GRM6: variants seen among roughly 807,000 people sequenced by gnomAD.
GRM6 encodes glutamate metabotropic receptor 6.
GRM6 carries 73 observed loss-of-function variants against 78.4 expected under a neutral mutation model. The observed-to-expected ratio is 0.93, with a 90% confidence interval of 0.77 to 1.13. The LOEUF (loss-of-function observed/expected upper bound fraction) is 1.13. GRM6 is among the 50% of genes most tolerant of loss of function. The probability of loss-of-function intolerance (pLI) is 0.00; values close to 1 mark genes in which losing one functional copy is unlikely to be tolerated. For missense variants in GRM6, 1,251 were observed against 1,256.4 expected (o/e 1.00, Z 0.07); for synonymous variants, 580 against 555.0 (o/e 1.05, Z -0.63).
chr5:178,989,509 G>A (rs1411148697), intron 5 of GRM6, 104 bp from the exon 6 acceptor site: 10 of 1,445,026 alleles, frequency 6.9e-6, no homozygotes, highest in African/African-American at 2.8e-5. Context: ...GTGGCCAGGT[G>A]AGCTAGGAGT....
chr5:178,985,472 G>A (rs1467729473), intron 9 of GRM6, among the ~76,000 whole-genome samples: 1 of 151,708 alleles, frequency 6.6e-6, no homozygotes, highest in Admixed American at 6.6e-5. Context: ...GGGAGGCCGA[G>A]GTGGGCGGAT....
At chr5:178,987,583 C>T in intron 7 of GRM6, 1 of 396,124 alleles carries the variant, frequency 2.5e-6, no homozygotes, top group Non-Finnish European at 5.1e-6. Context: ...CGTCTGATGC[C>T]ACCACAGGAG....
Position 178,986,145 on chromosome 5 carries a change from GC to G in GRM6, c.2108del (p.Ser703ThrfsTer10), listed in dbSNP as rs1403999608. On this transcript the variant is annotated frameshift_variant, in exon 9 of 11. Coordinates refer to ENST00000517717, the MANE Select transcript of GRM6 (RefSeq NM_000843.4). LOFTEE classifies it high-confidence loss of function. ...ACGGACCCACCTGCAGGGAGGTGAGGCTGAAGGTGATGACCAGCTGTGAGGT... is the reference window on the plus strand; with the variant it reads ...ACGGACCCACCTGCAGGGAGGTGAGGTGAAGGTGATGACCAGCTGTGAGGT... ...SPTSQLVITFSLTSLQVVGMI... is the reference protein window; with the variant it reads ...SPTSQLVITFXLTSLQVVGMI... The G allele has an allele frequency of 6.2e-7, 1 of 1,613,672 alleles. No individual in the cohort carries two copies. Among genetic ancestry groups the G allele is most frequent in the Non-Finnish European group, 8.5e-7 (1 of 1,179,744 alleles).
chr5:178,985,642 G>A (rs1229011703), intron 9 of GRM6: 6 of 380,460 alleles, frequency 1.6e-5, no homozygotes, highest in Non-Finnish European at 3.1e-5. Flanking sequence ...GGCAGAGCTT[G>A]CAGGGAGCTG....
chr5:178,985,965 T>C (rs1760531948), intron 9 of GRM6, among the ~76,000 whole-genome samples, 165 bp downstream of exon 9: 1 of 152,188 alleles, frequency 6.6e-6, no homozygotes, highest in South Asian at 2.1e-4. Flanking sequence ...TCATGCCATG[T>C]TGCCCAGGCT....
At position 178,991,665 on chromosome 5, in the gene GRM6, T is replaced by A; in HGVS notation, c.722-106A>T. On this transcript the variant is annotated intron_variant, in intron 3 of 10. Transcript: ENST00000517717. This position sits in a 1 kb window ranked among gnomAD's most constrained non-coding sequence, Gnocchi z 5.0. ...AGGCTGGCTGAAGGGTCTGCAGGGG[T>A]GAAGTCTGGCCTGCACCCTCCGCCA... The A allele has an allele frequency of 7.8e-7, 1 of 1,273,968 alleles. No homozygotes were observed. The highest frequency in any genetic ancestry group is 1.1e-6 in the Non-Finnish European group (1 of 913,620). The allele number at this position is 1,273,968 out of a possible 1,614,324, so 78.9% of individuals were successfully genotyped here.
chr5:178,983,167 A>G lies in GRM6; in HGVS notation c.2179T>C (p.Tyr727His). 2 of 1,613,870 alleles carry G rather than the reference A, an allele frequency of 1.2e-6. No individual in the cohort carries two copies. The highest frequency in any genetic ancestry group is 1.7e-6 in the Non-Finnish European group (2 of 1,180,028). Residue 727 changes from tyrosine (Y) to histidine (H), a missense_variant, in exon 10 of 11, where the codon TAT (tyrosine) becomes CAT (histidine). By Grantham distance (83) the Tyr-to-His change is moderately conservative (BLOSUM62 2). Transcript: ENST00000517717. ...GGGTCCACCGTCCGCTGTTCCTCAT[A>G]GTCAATCACGCTGTGTGGGGGCCGG... ...GARPPHSVID[Y>H]EEQRTVDPEQ... is the part of the protein sequence containing the mutation.
At chr5:178,985,717 A>AAAAAAAAAC in intron 9 of GRM6, 1 of 419,744 alleles carries the variant, frequency 2.4e-6, no homozygotes, top group South Asian at 1.8e-5. Context: ...AAAAAAAACA[A>AAAAAAAAAC]AACAACACAG....
rs142888985 is a variant in GRM6 at position 178,982,444 on chromosome 5, G to T, written c.2436+466C>A. On this transcript the variant is annotated intron_variant, in intron 10 of 10. Transcript: ENST00000517717. ...ATTACAAAAATTGCCCAGGCGTGGT[G>T]GCAGGCACCTGTAGTCCCAGCTACG... 3.2e-3 allele frequency among the ~76,000 whole-genome samples: 481 copies of T among 152,076 alleles called. 4 individuals are homozygous for T. Among genetic ancestry groups the T allele is most frequent in the African/African-American group, 0.011 (441 of 41,470 alleles).
chr5:178,981,539 T>C lies in GRM6; in HGVS notation c.*118A>G. 1 of 770,912 alleles carries C rather than the reference T, an allele frequency of 1.3e-6. No homozygotes were observed. The highest frequency in any genetic ancestry group is 2.2e-6 in the Non-Finnish European group (1 of 461,886). The allele number at this position is 770,912 out of a possible 1,614,324, so 47.8% of individuals were successfully genotyped here. A position where few individuals can be genotyped will look rare whatever the true frequency, so the allele number is the denominator to read the frequency against. ...CCAGCCCCACCGACGCGGAGCATGG[T>C]CTTGGCAAACTCCCTGCCACTGACT... On this transcript the variant is annotated 3_prime_UTR_variant, in exon 11 of 11. Transcript: ENST00000517717. This position sits in a 1 kb window ranked among gnomAD's most constrained non-coding sequence, Gnocchi z 5.1.
At position 178,979,204 on chromosome 5, in the gene GRM6, A is replaced by G. The variant is rs1315730219; in HGVS notation, c.*2453T>C. On this transcript the variant is annotated 3_prime_UTR_variant, in exon 11 of 11. Transcript: ENST00000517717. ...CAGTGAGCTATGATCGTGCCACTGC[A>G]CTCCAGCCTAAGAAATTGAGCAAGA... The G allele has an allele frequency of 6.6e-6, 1 of 152,264 alleles. No homozygotes were observed. Among genetic ancestry groups the G allele is most frequent in the African/African-American group, 2.4e-5 (1 of 41,452 alleles). 9.4% of individuals were successfully genotyped at this position (152,264 alleles called of 1,614,324 possible).
In GRM6 at chr5:178,991,630, A is replaced by G. The variant is rs1380307222; in HGVS notation, c.722-71T>C. 6.6e-7 allele frequency: 1 copy of G among 1,509,500 alleles called. No individual in the cohort carries two copies. The highest frequency in any genetic ancestry group is 1.7e-5 in the Admixed American group (1 of 59,438). 93.5% of individuals were successfully genotyped at this position (1,509,500 alleles called of 1,614,324 possible). The stretch of plus-strand genomic sequence containing the variant: ...CACACCCACCTGGCCACCGCTGCAG[A>G]GGACTGTGTAGGCTGGCTGAAGGGT... On this transcript the variant is annotated intron_variant, in intron 3 of 10. Coordinates refer to ENST00000517717, the MANE Select transcript of GRM6 (RefSeq NM_000843.4). This position sits in a 1 kb window ranked among gnomAD's most constrained non-coding sequence, Gnocchi z 5.0.
At position 178,986,187 on chromosome 5, in the gene GRM6, A is replaced by AG. The variant is rs755967391; in HGVS notation, c.2066dup (p.Pro690SerfsTer37). 6.2e-7 allele frequency: 1 copy of AG among 1,613,950 alleles called. No individual in the cohort carries two copies. The highest frequency in any genetic ancestry group is 8.5e-7 in the Non-Finnish European group (1 of 1,179,958). ...GCTGTGAGGTGGGGCTGATGAAGGG[A>AG]GGGGGTGTGACCGAGCGCTTGCCCT... On this transcript the variant is annotated frameshift_variant, in exon 9 of 11. Transcript: ENST00000517717. LOFTEE classifies it high-confidence loss of function.
chr5:178,985,230 T>C (rs941240546), intron 9 of GRM6: 4 of 455,100 alleles, frequency 8.8e-6, no homozygotes, highest in African/African-American at 2.0e-5. Context: ...GTGAGCCAAA[T>C]TGTAGAAGAG....
rs1210742038 is a variant in GRM6, at chr5:178,991,610, C to G, written c.722-51G>C. 1 of 1,596,232 alleles carries G rather than the reference C, an allele frequency of 6.3e-7. No homozygotes were observed. The highest frequency in any genetic ancestry group is 2.2e-5 in the East Asian group (1 of 44,748). On this transcript the variant is annotated intron_variant, in intron 3 of 10. Coordinates refer to ENST00000517717, the MANE Select transcript of GRM6 (RefSeq NM_000843.4). This position sits in a 1 kb window ranked among gnomAD's most constrained non-coding sequence, Gnocchi z 5.0. ...GCTTCCGTCCCACCCACCCACACACCCACCTGGCCACCGCTGCAGAGGACT... is the reference window on the plus strand; with the variant it reads ...GCTTCCGTCCCACCCACCCACACACGCACCTGGCCACCGCTGCAGAGGACT...
chr5:178,994,280 C>A (rs946188090), intron 2 of GRM6, among the ~76,000 whole-genome samples, 161 bp downstream of exon 2: 1 of 152,238 alleles, frequency 6.6e-6, no homozygotes, highest in Non-Finnish European at 1.5e-5. Flanking sequence ...CGATTCAGGC[C>A]TGCGTCGGGC....
chr5:178,979,102 T>A lies in GRM6; in HGVS notation c.*2555A>T, dbSNP rs1462237294. On this transcript the variant is annotated 3_prime_UTR_variant, in exon 11 of 11. Transcript: ENST00000517717. ...CCTCGTCTCTACAAAAAATAAAACATTAGCTGGGTATGGTCGTGCGCACCA... is the reference window on the plus strand; with the variant it reads ...CCTCGTCTCTACAAAAAATAAAACAATAGCTGGGTATGGTCGTGCGCACCA... 6.6e-6 allele frequency: 1 copy of A among 152,114 alleles called. No homozygotes were observed. Among genetic ancestry groups the A allele is most frequent in the Non-Finnish European group, 1.5e-5 (1 of 68,082 alleles). The allele number at this position is 152,114 out of a possible 1,614,324, so 9.4% of individuals were successfully genotyped here. A position where few individuals can be genotyped will look rare whatever the true frequency, so the allele number is the denominator to read the frequency against.
rs904551612 is a variant in GRM6, at chr5:178,980,125, C to G, written c.*1532G>C. 6.5e-6 allele frequency: 1 copy of G among 154,294 alleles called. No individual in the cohort carries two copies. Among genetic ancestry groups the G allele is most frequent in the African/African-American group, 2.4e-5 (1 of 41,474 alleles). 9.6% of individuals were successfully genotyped at this position (154,294 alleles called of 1,614,324 possible). ...CTGCAGAAGCACCTAGTCCCACGGT[C>G]AAAACCAACTGCGCACCAGAGAAGC... On this transcript the variant is annotated 3_prime_UTR_variant, in exon 11 of 11. Transcript: ENST00000517717. This position sits in a 1 kb window ranked among gnomAD's most constrained non-coding sequence, Gnocchi z 4.3.
In GRM6 at chr5:178,991,592, T is replaced by TTG; in HGVS notation, c.722-34_722-33insCA. On this transcript the variant is annotated intron_variant, in intron 3 of 10. Transcript: ENST00000517717. The surrounding 1 kb of genome is among the most constrained non-coding windows in gnomAD (Gnocchi z 5.0). ...TTGGGGGTGCCAGAGTCAGCTTCCG[T>TTG]CCCACCCACCCACACACCCACCTGG... is the stretch of plus-strand genomic sequence containing the variant. 1.2e-6 allele frequency: 2 copies of TTG among 1,605,616 alleles called. No individual in the cohort carries two copies.
Sources: gnomAD v4.1 joint callset for allele counts (sites outside exome capture counted in the v4.1 genomes callset) on GRCh38, gnomAD v4.1.1 for gene constraint, Gnocchi (gnomAD v3.1) non-coding constraint, MANE v1.5 for transcripts, NCBI Gene and HGNC (gene_info 2026-07-23, HGNC 2026-07-21) for gene names.